Variants in LHPP observed in about 807,000 individuals in gnomAD.
LHPP encodes the protein hLHPP.
A neutral mutation model predicts 30.3 loss-of-function variants in LHPP; 24 were observed. The ratio of observed to expected loss-of-function variants is 0.79; its 90% CI spans 0.57 to 1.11. The LOEUF (loss-of-function observed/expected upper bound fraction) is 1.11, where lower values mean the gene tolerates loss of function less well. Ranked by LOEUF, LHPP falls within the 50% of genes most tolerant of loss-of-function variation. The pLI is 0.00. For synonymous variants in LHPP, 150 were observed against 157.1 expected (o/e 0.95, Z 0.34); for missense variants, 356 against 367.2 (o/e 0.97, Z 0.25).
At position 124,541,068 on chromosome 10, in the gene LHPP, C is replaced by T. The variant is rs1027961549; in HGVS notation, c.716+23797C>T. 1.9e-4 allele frequency among the ~76,000 whole-genome samples: 29 copies of T among 152,182 alleles called. No individual in the cohort carries two copies. Among genetic ancestry groups the T allele is most frequent in the African/African-American group, 6.5e-4 (27 of 41,442 alleles). On this transcript the variant is annotated intron_variant, in intron 6 of 6. Transcript: ENST00000368842. This position sits in a 1 kb window ranked among gnomAD's most constrained non-coding sequence, Gnocchi z 4.2. Reference sequence around the variant, plus strand: ...ACAGCTTTTTTAATGGAGGAAGGGGCCCCCCAAATCACAAAGTGGCCCTGG... The same window carrying T: ...ACAGCTTTTTTAATGGAGGAAGGGGTCCCCCAAATCACAAAGTGGCCCTGG...
chr10:124,576,500 T>G lies in LHPP; in HGVS notation c.717-36764T>G, dbSNP rs1157104041. ...TATCTTGCTCCCACTCCCTACCATATGCTGTTCCCAGACCCCCCTCCATGG... is the reference window on the plus strand; with the variant it reads ...TATCTTGCTCCCACTCCCTACCATAGGCTGTTCCCAGACCCCCCTCCATGG... On this transcript the variant is annotated intron_variant, in intron 6 of 6. Coordinates refer to ENST00000368842, the MANE Select transcript of LHPP (RefSeq NM_022126.4). The surrounding 1 kb of genome is among the most constrained non-coding windows in gnomAD (Gnocchi z 4.2). Among the ~76,000 whole-genome samples the G allele has an allele frequency of 7.8e-6, 1 of 128,362 alleles. No individual in the cohort carries two copies. The highest frequency in any genetic ancestry group is 1.7e-5 in the Non-Finnish European group (1 of 60,358). The allele number at this position is 128,362 out of a possible 152,430, so 84.2% of individuals were successfully genotyped here.
chr10:124,578,841 A>T (rs1162599986), intron 6 of LHPP, among the ~76,000 whole-genome samples: 2 of 152,218 alleles, frequency 1.3e-5, no homozygotes, highest in Non-Finnish European at 2.9e-5. Flanking sequence ...CTGACTGTGG[A>T]AAAAAGCTCT....
At chr10:124,579,342 G>A (rs970154430) in intron 6 of LHPP, among the ~76,000 whole-genome samples, 3 of 152,180 alleles carry the variant, frequency 2.0e-5, no homozygotes, top group Non-Finnish European at 2.9e-5. Flanking sequence ...AACTATATTC[G>A]CGGACACGGC....
At chr10:124,489,421 T>C (rs1953444660) in intron 3 of LHPP, among the ~76,000 whole-genome samples, 1 of 152,220 alleles carries the variant, frequency 6.6e-6, no homozygotes, top group South Asian at 2.1e-4. Context: ...TGGATATGTC[T>C]TGGGGCATGG....
chr10:124,513,980 G>A (rs1954384660), intron 5 of LHPP, among the ~76,000 whole-genome samples: 3 of 152,168 alleles, frequency 2.0e-5, no homozygotes, highest in South Asian at 4.1e-4. Flanking sequence ...CAGCCGTGCC[G>A]TAATGCAGAG....
rs112882031 is a variant in LHPP, at chr10:124,507,084, G to GT, written c.624+8956_624+8957insT. 2.6e-3 allele frequency among the ~76,000 whole-genome samples: 21 copies of GT among 8,028 alleles called. 3 individuals carry two copies. Among genetic ancestry groups the GT allele is most frequent in the Non-Finnish European group, 2.2e-3 (11 of 5,006 alleles). The allele number at this position is 8,028 out of a possible 152,430, so 5.3% of individuals were successfully genotyped here. ...TGTAGGGGTAGACAGGATTTCAGGTGGGGGGGTAGGGAGGATTTCAGGTGC... is the reference window on the plus strand; with the variant it reads ...TGTAGGGGTAGACAGGATTTCAGGTGTGGGGGGTAGGGAGGATTTCAGGTGC... On this transcript the variant is annotated intron_variant, in intron 5 of 6. Transcript: ENST00000368842.
At chr10:124,544,176 G>A (rs1955273063) in intron 6 of LHPP, among the ~76,000 whole-genome samples, 1 of 152,230 alleles carries the variant, frequency 6.6e-6, no homozygotes, top group Admixed American at 6.5e-5. Context: ...TGATCTGACA[G>A]ACGGGTATGT....
chr10:124,481,508 C>G (rs1279162744), intron 1 of LHPP, among the ~76,000 whole-genome samples: 1 of 151,054 alleles, frequency 6.6e-6, no homozygotes, highest in African/African-American at 2.4e-5. Flanking sequence ...TCCCGAGTAG[C>G]TAGGACTACA....
At chr10:124,564,125 ATT>A (rs1462469799) in intron 6 of LHPP, among the ~76,000 whole-genome samples, 4 of 123,928 alleles carry the variant, frequency 3.2e-5, no homozygotes, top group African/African-American at 3.0e-5. Context: ...TTAAAAAAAA[ATT>A]TTTTTTTTTT....
Position 124,545,585 on chromosome 10 carries a change from C to G in LHPP, c.716+28314C>G, listed in dbSNP as rs377708204. ...AGCTGTCAGCGGCTGGCAGCTGCTC[C>G]CAGGTAGCAGGAAGAAGGGCCGAGC... On this transcript the variant is annotated intron_variant, in intron 6 of 6. Transcript: ENST00000368842. 9.9e-5 allele frequency among the ~76,000 whole-genome samples: 15 copies of G among 152,246 alleles called. No individual in the cohort carries two copies. In the South Asian group the frequency reaches 3.1e-3, roughly 32 times the overall value.
intron 6 of LHPP, among the ~76,000 whole-genome samples, chr10:124,558,458 C>A (rs1388755515): frequency 6.6e-6 from 1 of 152,364 alleles, no homozygotes; most frequent in East Asian, 1.9e-4. Context: ...CTGGACGTGG[C>A]CCTCTGAGCT....
chr10:124,496,031 T>C lies in LHPP; in HGVS notation c.468-930T>C, dbSNP rs541625529. Among the ~76,000 whole-genome samples the C allele has an allele frequency of 6.6e-6, 1 of 152,270 alleles. No individual in the cohort carries two copies. The highest frequency in any genetic ancestry group is 2.1e-4 in the South Asian group (1 of 4,816). On this transcript the variant is annotated intron_variant, in intron 3 of 6. Transcript: ENST00000368842. The surrounding 1 kb of genome is among the most constrained non-coding windows in gnomAD (Gnocchi z 4.3). ...TTTCTGCATACGTGCTTTCTCCACG[T>C]CTCCCATATCGTAAGGGCATGGCAG...
intron 5 of LHPP, among the ~76,000 whole-genome samples, chr10:124,515,466 G>A (rs1589819327): frequency 6.6e-6 from 1 of 152,146 alleles, no homozygotes; most frequent in Non-Finnish European, 1.5e-5. Context: ...GCTCAGTTTG[G>A]ATAAACTCAT....
At chr10:124,463,490 G>A (rs1221611667) in intron 1 of LHPP, among the ~76,000 whole-genome samples, 1 of 151,934 alleles carries the variant, frequency 6.6e-6, no homozygotes, top group Non-Finnish European at 1.5e-5. Context: ...AGCCTCCCAA[G>A]TATCTGGGAT....
At chr10:124,537,230 TC>T (rs2133939472) in intron 6 of LHPP, among the ~76,000 whole-genome samples, 1 of 152,300 alleles carries the variant, frequency 6.6e-6, no homozygotes, top group East Asian at 1.9e-4. Context: ...TCTCCCTGCT[TC>T]CCCAGCCACC....
chr10:124,523,191 G>A lies in LHPP; in HGVS notation c.716+5920G>A, dbSNP rs1484024949. ...GGCTGGCAGATGTTTTATAAGCCCC[G>A]AACGTTCTTGACAAACAGTTTGCCC... On this transcript the variant is annotated intron_variant, in intron 6 of 6. Transcript: ENST00000368842. This position sits in a 1 kb window ranked among gnomAD's most constrained non-coding sequence, Gnocchi z 4.2. 1.3e-5 allele frequency among the ~76,000 whole-genome samples: 2 copies of A among 152,246 alleles called. No homozygotes were observed. The highest frequency in any genetic ancestry group is 4.8e-5 in the African/African-American group (2 of 41,470).
At chr10:124,545,745 A>ATT (rs571014415) in intron 6 of LHPP, among the ~76,000 whole-genome samples, 2 of 152,042 alleles carry the variant, frequency 1.3e-5, no homozygotes, top group African/African-American at 4.8e-5. Flanking sequence ...GTGGTTTTTG[A>ATT]TTTTTTTAAT....
At chr10:124,568,014 G>A (rs749109858) in intron 6 of LHPP, among the ~76,000 whole-genome samples, 2 of 152,238 alleles carry the variant, frequency 1.3e-5, no homozygotes, top group African/African-American at 2.4e-5. Context: ...CCGGGTTCAA[G>A]CGATTCTCCT....
At chr10:124,467,539 A>G (rs1952590321) in intron 1 of LHPP, among the ~76,000 whole-genome samples, 1 of 145,014 alleles carries the variant, frequency 6.9e-6, no homozygotes, top group Non-Finnish European at 1.5e-5. Context: ...TTTTTTTGAG[A>G]CAGGATCTTG....
Sources: allele counts gnomAD v4.1 joint callset (sites outside exome capture counted in the v4.1 genomes callset), GRCh38; gene constraint gnomAD v4.1.1; non-coding constraint Gnocchi (gnomAD v3.1); transcripts MANE v1.5; gene names NCBI Gene and HGNC (gene_info 2026-07-23, HGNC 2026-07-21).